DLGAP1: variants seen among roughly 807,000 people sequenced by gnomAD.
The protein encoded by DLGAP1 is disks large-associated protein 1.
Under a neutral mutation model 90.8 loss-of-function variants are expected in DLGAP1, and 11 were observed. The ratio of observed to expected loss-of-function variants is 0.12; its 90% confidence interval spans 0.08 to 0.20. The LOEUF (loss-of-function observed/expected upper bound fraction) is 0.20. Among genes scored for constraint, DLGAP1 ranks in the 10% least tolerant of loss-of-function variants. The probability of loss-of-function intolerance (pLI) is 1.00; values close to 1 mark genes in which losing one functional copy is unlikely to be tolerated. For missense variants in DLGAP1, 1,050 were observed against 1,333.8 expected (o/e 0.79, Z 3.31); for synonymous variants, 558 against 540.7 (o/e 1.03, Z -0.44).
intron 3 of DLGAP1, among the ~76,000 whole-genome samples, chr18:3,881,279 C>G (rs965731181): frequency 7.2e-5 from 11 of 152,090 alleles, no homozygotes; most frequent in African/African-American, 2.7e-4. Context: ...TGCCTGCCAC[C>G]ATGGCTGGCT....
At chr18:3,597,195 C>A (rs376847676) in intron 7 of DLGAP1, 7 of 519,272 alleles carry the variant, frequency 1.3e-5, no homozygotes, top group African/African-American at 1.3e-4. Context: ...TGAGAGCCAG[C>A]GAACTTTCTT....
At chr18:3,982,977 T>A (rs12456149) in intron 3 of DLGAP1, 1 of 152,198 alleles carries the variant, frequency 6.6e-6, no homozygotes, top group African/African-American at 2.4e-5. Flanking sequence ...CTATTGCTTG[T>A]ATCTGAGGAA....
intron 1 of DLGAP1, among the ~76,000 whole-genome samples, chr18:4,212,681 G>A (rs921501890): frequency 4.0e-5 from 6 of 149,652 alleles, no homozygotes; most frequent in Non-Finnish European, 8.9e-5. Flanking sequence ...GGTCCTTTAT[G>A]AAAATTAAAT....
chr18:3,964,102 T>A (rs1388873104), intron 3 of DLGAP1, among the ~76,000 whole-genome samples: 2 of 152,152 alleles, frequency 1.3e-5, no homozygotes, highest in African/African-American at 4.8e-5. Context: ...AGGAGTGGGT[T>A]AAGATGATGA....
At chr18:4,118,349 T>C (rs2076096407) in intron 2 of DLGAP1, among the ~76,000 whole-genome samples, 1 of 152,110 alleles carries the variant, frequency 6.6e-6, no homozygotes, top group Admixed American at 6.5e-5. Context: ...CAGAGTGACA[T>C]CCTGCTCCGC....
At chr18:4,181,492 A>G (rs565098147) in intron 1 of DLGAP1, among the ~76,000 whole-genome samples, 1 of 152,198 alleles carries the variant, frequency 6.6e-6, no homozygotes, top group African/African-American at 2.4e-5. Flanking sequence ...TACCCGTGAT[A>G]GGAGTCAATA....
chr18:4,256,089 T>C (rs180702808), intron 1 of DLGAP1, among the ~76,000 whole-genome samples: 6 of 152,314 alleles, frequency 3.9e-5, no homozygotes, highest in African/African-American at 1.4e-4. Context: ...CACATTACTA[T>C]AAGCAAATCA....
At chr18:3,870,771 T>C (rs3760605) in intron 4 of DLGAP1, among the ~76,000 whole-genome samples, 15,752 of 152,194 alleles carry the variant, frequency 0.1, 1,014 homozygotes, top group South Asian at 0.18. Flanking sequence ...GCATGCTGTC[T>C]TCAAAATCTA....
chr18:3,673,016 T>G (rs2060154966), intron 7 of DLGAP1, among the ~76,000 whole-genome samples: 1 of 152,218 alleles, frequency 6.6e-6, no homozygotes, highest in Admixed American at 6.5e-5. Context: ...TGAATGATAC[T>G]CTAAGACACC....
At chr18:4,114,161 G>A (rs532797962) in intron 2 of DLGAP1, among the ~76,000 whole-genome samples, 2 of 145,402 alleles carry the variant, frequency 1.4e-5, no homozygotes, top group South Asian at 4.6e-4. Context: ...CTGTGAAAAT[G>A]ATATTAGTTT....
intron 3 of DLGAP1, among the ~76,000 whole-genome samples, chr18:3,939,439 A>C (rs1256556975): frequency 2.6e-4 from 35 of 134,366 alleles, no homozygotes; most frequent in Non-Finnish European, 4.9e-4. Context: ...AAAAAAAAAA[A>C]CCAACAAAAA....
rs144701250 is a variant in DLGAP1 at position 4,384,307 on chromosome 18, A to C, written c.-267+70699T>G. 8.5e-5 allele frequency among the ~76,000 whole-genome samples: 13 copies of C among 152,270 alleles called. No individual in the cohort carries two copies. The East Asian group carries it at 2.5e-3, about 29-fold the overall frequency. ...TTCTCAGAGAAGTTATTAAGTTAAT[A>C]TGTTGAAATTTATTAGACTAGCACC... On this transcript the variant is annotated intron_variant, in intron 1 of 12. Transcript: ENST00000315677.
chr18:3,797,462 C>G (rs2066057879), intron 5 of DLGAP1, among the ~76,000 whole-genome samples: 2 of 152,184 alleles, frequency 1.3e-5, no homozygotes, highest in African/African-American at 4.8e-5. Flanking sequence ...ACCCTCATCT[C>G]AAACTTCCAG....
chr18:4,034,046 T>TC (rs2074846528), intron 2 of DLGAP1, among the ~76,000 whole-genome samples: 1 of 147,516 alleles, frequency 6.8e-6, no homozygotes, highest in Non-Finnish European at 1.5e-5. Flanking sequence ...CCTTTTTTTT[T>TC]TTTTTTTTTT....
intron 3 of DLGAP1, among the ~76,000 whole-genome samples, chr18:3,967,957 T>G (rs953158880): frequency 6.6e-6 from 1 of 152,004 alleles, no homozygotes; most frequent in African/African-American, 2.4e-5. Flanking sequence ...TCCTTCACAT[T>G]CTCCTTGTGG....
At chr18:4,094,140 A>C (rs1332548976) in intron 2 of DLGAP1, among the ~76,000 whole-genome samples, 1 of 152,048 alleles carries the variant, frequency 6.6e-6, no homozygotes, top group Non-Finnish European at 1.5e-5. Flanking sequence ...ACTGGAATTA[A>C]AAAAAATACT....
In DLGAP1 at chr18:3,499,996, GCAATATA is replaced by G. The variant is rs1454941766; in HGVS notation, c.2725-609_2725-603del. Among the ~76,000 whole-genome samples the G allele has an allele frequency of 3.9e-5, 6 of 152,174 alleles. No individual in the cohort carries two copies. The highest frequency in any genetic ancestry group is 5.9e-5 in the Non-Finnish European group (4 of 68,040). On this transcript the variant is annotated intron_variant, in intron 12 of 12. Transcript: ENST00000315677. This position sits in a 1 kb window ranked among gnomAD's most constrained non-coding sequence, Gnocchi z 6.4. The stretch of plus-strand genomic sequence containing the variant: ...TTGCACACCACACACGAACACACAA[GCAATATA>G]CAATATACAGGGTCACGGGAGAGGG...
At chr18:3,770,336 C>T (rs1250725703) in intron 5 of DLGAP1, among the ~76,000 whole-genome samples, 1 of 152,116 alleles carries the variant, frequency 6.6e-6, no homozygotes, top group Non-Finnish European at 1.5e-5. Context: ...CTCTGAGTCT[C>T]TAGAAATTTG....
chr18:3,638,277 T>A (rs2058799336), intron 7 of DLGAP1, among the ~76,000 whole-genome samples: 1 of 146,956 alleles, frequency 6.8e-6, no homozygotes, highest in Non-Finnish European at 1.5e-5. Flanking sequence ...AGGCAGTGTT[T>A]CACTCTGTTG....
Sources: gnomAD v4.1 joint callset for allele counts (sites outside exome capture counted in the v4.1 genomes callset) on GRCh38, gnomAD v4.1.1 for gene constraint, Gnocchi (gnomAD v3.1) non-coding constraint, MANE v1.5 for transcripts, NCBI Gene and HGNC (gene_info 2026-07-23, HGNC 2026-07-21) for gene names.